Variants in ZNF793 observed in about 807,000 individuals in gnomAD.
ZNF793 encodes zinc finger protein 793.
ZNF793 carries 5 observed loss-of-function variants against 12.4 expected under a neutral mutation model. The observed-to-expected ratio is 0.40, with a 90% CI of 0.21 to 0.84. The LOEUF (loss-of-function observed/expected upper bound fraction) is 0.84. ZNF793 is among the 40% of genes least tolerant of loss of function. The pLI, the probability that ZNF793 is intolerant of heterozygous loss-of-function variation, is 0.35. For missense variants in ZNF793, 456 were observed against 495.0 expected (o/e 0.92, Z 0.75); for synonymous variants, 162 against 172.4 (o/e 0.94, Z 0.47).
chr19:37,506,437 CTG>C (rs1284018438), upstream of ZNF793: 1 of 152,330 alleles, frequency 6.6e-6, no homozygotes, highest in African/African-American at 2.4e-5. Context: ...TAGGCTGTCT[CTG>C]TCTCCCTAAG....
chr19:37,523,523 G>T, intron 5 of ZNF793, 69 bp downstream of exon 5: 2 of 1,460,580 alleles, frequency 1.4e-6, no homozygotes, highest in Non-Finnish European at 1.9e-6. Flanking sequence ...AAAAGGGTGT[G>T]CATTGTAAGT....
intron 5 of ZNF793, among the ~76,000 whole-genome samples, chr19:37,528,733 C>G (rs940212724): frequency 6.6e-6 from 1 of 152,158 alleles, no homozygotes; most frequent in African/African-American, 2.4e-5. Flanking sequence ...TCTCTGTGCC[C>G]ATAACCCGAG....
chr19:37,537,687 A>G lies in ZNF793; in HGVS notation c.1029A>G (p.Glu343=). ...HTGERPYRCR[E]CGKSFSQKSC... ...GAGAAAGACCGTATCGTTGCAGAGA[A>G]TGTGGAAAATCCTTCAGCCAGAAGT... The change falls in exon 8 of 8, where the codon GAA becomes GAG. Residue 343 remains glutamate, a synonymous_variant. Coordinates refer to ENST00000627814, the MANE Select transcript of ZNF793 (RefSeq NM_001013659.3). 1 of 1,613,640 alleles carries G rather than the reference A, an allele frequency of 6.2e-7. No individual in the cohort carries two copies. The highest frequency in any genetic ancestry group is 8.5e-7 in the Non-Finnish European group (1 of 1,179,656).
chr19:37,510,395 A>T (rs1382432730), intron 2 of ZNF793, among the ~76,000 whole-genome samples: 1 of 151,250 alleles, frequency 6.6e-6, no homozygotes, highest in Non-Finnish European at 1.5e-5. Context: ...GGCGCCTGTA[A>T]TCCCAACTAC....
At position 37,539,059 on chromosome 19, in the gene ZNF793, G is replaced by A. The variant is rs1378302579; in HGVS notation, c.*1180G>A. The A allele has an allele frequency of 1.3e-5, 2 of 152,112 alleles. No individual in the cohort carries two copies. The highest frequency in any genetic ancestry group is 2.1e-4 in the South Asian group (1 of 4,828). 9.4% of individuals were successfully genotyped at this position (152,112 alleles called of 1,614,324 possible). On this transcript the variant is annotated 3_prime_UTR_variant, in exon 8 of 8. Transcript: ENST00000627814. ...GTAAATGGCTATAGAGGTTGTTACT[G>A]TCCTCTGCAGAAATAATAAAGCAGT...
Position 37,536,936 on chromosome 19 carries a change from A to G in ZNF793, c.278A>G (p.Gln93Arg). ...WRVNIQRKRR[Q>R]DMLLRPGAAI... is the part of the protein sequence containing the mutation. ...GTTAATATCCAGAGGAAAAGACGGCAAGACATGCTTTTGAGGCCAGGCGCA... is the reference window on the plus strand; with the variant it reads ...GTTAATATCCAGAGGAAAAGACGGCGAGACATGCTTTTGAGGCCAGGCGCA... The change falls in exon 8 of 8, where the codon CAA (glutamine) becomes CGA (arginine). Residue 93 changes from glutamine (Q) to arginine (R), a missense_variant. Coordinates refer to ENST00000627814, the MANE Select transcript of ZNF793 (RefSeq NM_001013659.3). 1 of 1,613,036 alleles carries G rather than the reference A, an allele frequency of 6.2e-7. No individual in the cohort carries two copies. Among genetic ancestry groups the G allele is most frequent in the Non-Finnish European group, 8.5e-7 (1 of 1,179,638 alleles).
intron 6 of ZNF793, 55 bp from the exon 7 acceptor site, chr19:37,533,253 G>C: frequency 1.4e-6 from 2 of 1,480,350 alleles, no homozygotes; most frequent in Non-Finnish European, 1.9e-6. Context: ...CTGCCTGAGA[G>C]GCCCTGAAGA....
chr19:37,532,515 T>G (rs1313851966), intron 6 of ZNF793, 33 bp downstream of exon 6: 42 of 1,533,002 alleles, frequency 2.7e-5, no homozygotes, highest in Non-Finnish European at 3.5e-5. Flanking sequence ...ATGCAGATTA[T>G]GTTCGAATGA....
rs2042517892 is a variant in ZNF793 at position 37,537,599 on chromosome 19, G to A, written c.941G>A (p.Ser314Asn). The A allele has an allele frequency of 6.2e-7, 1 of 1,614,030 alleles. No individual in the cohort carries two copies. The highest frequency in any genetic ancestry group is 1.3e-5 in the African/African-American group (1 of 74,910). ...ACAGGAGAGAGACCCTTTGTCTGCA[G>A]TGAATGCGGGAAATCGTTTGGTGAG... ...THTGERPFVC[S>N]ECGKSFGEKS... is the part of the protein sequence containing the mutation. Residue 314 changes from serine (S) to asparagine (N), a missense_variant, in exon 8 of 8, where the codon AGT (serine) becomes AAT (asparagine). By Grantham distance (46) the Ser-to-Asn change is conservative. Coordinates refer to ENST00000627814, the MANE Select transcript of ZNF793 (RefSeq NM_001013659.3).
intron 2 of ZNF793, among the ~76,000 whole-genome samples, chr19:37,510,539 C>T (rs2042285794): frequency 6.7e-6 from 1 of 149,064 alleles, no homozygotes; most frequent in African/African-American, 2.5e-5. Flanking sequence ...AAAAAATTAG[C>T]TGGGTGTGGT....
intron 5 of ZNF793, among the ~76,000 whole-genome samples, chr19:37,531,956 A>G (rs1307088766): frequency 2.0e-5 from 3 of 152,166 alleles, no homozygotes; most frequent in African/African-American, 7.2e-5. Context: ...GGCCTTCCAG[A>G]TAGATAATAA....
At chr19:37,511,392 A>G (rs1227309655) in intron 2 of ZNF793, among the ~76,000 whole-genome samples, 1 of 152,164 alleles carries the variant, frequency 6.6e-6, no homozygotes. Flanking sequence ...CAAAATTCTA[A>G]GCTGAATGCC....
chr19:37,517,456 CAA>C (rs35675130), intron 2 of ZNF793, among the ~76,000 whole-genome samples: 28,031 of 109,616 alleles, frequency 0.26, 2,878 homozygotes, highest in South Asian at 0.37. Flanking sequence ...AACTCTGTCT[CAA>C]AAAAAAAAAA....
chr19:37,523,541 G>T, intron 5 of ZNF793, 87 bp downstream of exon 5: 1 of 1,281,248 alleles, frequency 7.8e-7, no homozygotes. Flanking sequence ...AGTATGTACA[G>T]TTTGTACATA....
intron 5 of ZNF793, among the ~76,000 whole-genome samples, chr19:37,528,411 G>T (rs1305366495): frequency 6.6e-6 from 1 of 151,822 alleles, no homozygotes; most frequent in African/African-American, 2.4e-5. Flanking sequence ...AAGAGGTTGA[G>T]CTGATGCCTG....
chr19:37,510,381 G>C (rs192515883), intron 2 of ZNF793, among the ~76,000 whole-genome samples: 3 of 151,688 alleles, frequency 2.0e-5, no homozygotes, highest in African/African-American at 4.8e-5. Context: ...TGGGCTTGGT[G>C]GTGGGCGCCT....
At position 37,537,972 on chromosome 19, in the gene ZNF793, C is replaced by A. The variant is rs144727279; in HGVS notation, c.*93C>A. 7.2e-7 allele frequency: 1 copy of A among 1,382,356 alleles called. No individual in the cohort carries two copies. The highest frequency in any genetic ancestry group is 9.5e-7 in the Non-Finnish European group (1 of 1,056,188). The allele number at this position is 1,382,356 out of a possible 1,614,324, so 85.6% of individuals were successfully genotyped here. On this transcript the variant is annotated 3_prime_UTR_variant, in exon 8 of 8. Transcript: ENST00000627814. ...TGTCACCCAGGCTGGAGTGCAGTGG[C>A]GCGATCTCGGCTTACTGCAAGCTCT...
At position 37,537,547 on chromosome 19, in the gene ZNF793, C is replaced by A. The variant is rs1337841146; in HGVS notation, c.889C>A (p.His297Asn). The change falls in exon 8 of 8, where the codon CAC becomes AAC. Residue 297 changes from histidine (H) to asparagine (N), a missense_variant. By Grantham distance (68) the His-to-Asn change is moderately conservative. Coordinates refer to ENST00000627814, the MANE Select transcript of ZNF793 (RefSeq NM_001013659.3). Reference protein sequence around the residue: ...FCGKAFTQKSHRTEHQRTHTG... With the variant: ...FCGKAFTQKSNRTEHQRTHTG... Reference sequence around the variant, plus strand: ...TGGGAAAGCCTTTACCCAGAAGTCACACCGCACAGAACATCAGAGAACACA... The same window carrying A: ...TGGGAAAGCCTTTACCCAGAAGTCAAACCGCACAGAACATCAGAGAACACA... The A allele has an allele frequency of 1.2e-6, 2 of 1,614,082 alleles. No individual in the cohort carries two copies. The highest frequency in any genetic ancestry group is 3.3e-5 in the Admixed American group (2 of 59,996).
intron 3 of ZNF793, among the ~76,000 whole-genome samples, chr19:37,520,975 C>T (rs1255193560): frequency 1.3e-5 from 2 of 151,836 alleles, no homozygotes; most frequent in African/African-American, 2.4e-5. Flanking sequence ...AGACATGCAC[C>T]ACCATGCCCG....
Sources: allele counts gnomAD v4.1 joint callset (sites outside exome capture counted in the v4.1 genomes callset), GRCh38; gene constraint gnomAD v4.1.1; transcripts MANE v1.5; gene names NCBI Gene and HGNC (gene_info 2026-07-23, HGNC 2026-07-21).